SLC2A13: variants seen among roughly 807,000 people sequenced by gnomAD.
SLC2A13 encodes solute carrier family 2 member 13.
Under a neutral mutation model 64.4 loss-of-function variants are expected in SLC2A13, and 32 were observed. That is an observed-to-expected ratio of 0.50 (90% CI 0.37 to 0.67). SLC2A13 has a LOEUF of 0.67. Among genes scored for constraint, SLC2A13 ranks in the 30% least tolerant of loss-of-function variants. SLC2A13 has a pLI of 0.00. For synonymous variants in SLC2A13, 338 were observed against 327.1 expected, an observed-to-expected ratio of 1.03 and a Z score of -0.36; for missense variants, 743 against 829.2, an observed-to-expected ratio of 0.90 and a Z score of 1.28.
intron 1 of SLC2A13, among the ~76,000 whole-genome samples, chr12:40,060,074 T>C (rs1376150428): frequency 1.3e-5 from 2 of 152,060 alleles, no homozygotes; most frequent in Non-Finnish European, 2.9e-5. Context: ...TCTATATTAA[T>C]GGACGGATGG....
chr12:39,782,537 T>C (rs1189441536), intron 7 of SLC2A13, among the ~76,000 whole-genome samples: 1 of 152,162 alleles, frequency 6.6e-6, no homozygotes, highest in Non-Finnish European at 1.5e-5. Context: ...ATTAAACCTC[T>C]TTTTCTTCCC....
intron 1 of SLC2A13, among the ~76,000 whole-genome samples, chr12:40,077,733 T>C (rs947175370): frequency 2.0e-5 from 3 of 152,188 alleles, no homozygotes; most frequent in Admixed American, 2.0e-4. Context: ...ATCTGTAAAC[T>C]GAGTTGGACA....
At chr12:40,002,299 G>C (rs1947333002) in intron 3 of SLC2A13, among the ~76,000 whole-genome samples, 1 of 152,072 alleles carries the variant, frequency 6.6e-6, no homozygotes, top group Non-Finnish European at 1.5e-5. Flanking sequence ...CAATAGTGAA[G>C]TTAAGTAATG....
At chr12:40,060,611 C>CTTA in intron 1 of SLC2A13, among the ~76,000 whole-genome samples, 1 of 152,204 alleles carries the variant, frequency 6.6e-6, no homozygotes, top group East Asian at 1.9e-4. Context: ...CTTTATTAAA[C>CTTA]CACAGCTGAC....
chr12:39,758,138 T>C lies in SLC2A13; in HGVS notation c.*1888A>G, dbSNP rs541391894. On this transcript the variant is annotated 3_prime_UTR_variant, in exon 10 of 10. Coordinates refer to ENST00000280871, the MANE Select transcript of SLC2A13 (RefSeq NM_052885.4). ...TACTAATATTCCCTTGGAAATCAAT[T>C]GTTAAAGCACCTAATTCAAGGAAAA... 5.9e-5 allele frequency: 9 copies of C among 151,750 alleles called. No individual in the cohort carries two copies. Among genetic ancestry groups the C allele is most frequent in the African/African-American group, 2.2e-4 (9 of 41,500 alleles). 9.4% of individuals were successfully genotyped at this position (151,750 alleles called of 1,614,324 possible). A position where few individuals can be genotyped will look rare whatever the true frequency, so the allele number is the denominator to read the frequency against.
Position 39,764,612 on chromosome 12 carries a change from C to T in SLC2A13, c.1568G>A (p.Gly523Glu). 6.3e-7 allele frequency: 1 copy of T among 1,586,390 alleles called. No individual in the cohort carries two copies. Among genetic ancestry groups the T allele is most frequent in the Non-Finnish European group, 8.5e-7 (1 of 1,171,606 alleles). The change falls in exon 9 of 10, where the codon GGA becomes GAA. Residue 523 changes from glycine (G) to glutamate (E), a missense_variant and splice_region_variant. Around this residue, in one of 2 missense-constraint regions of SLC2A13, gnomAD observed 295 missense variants for 381.7 expected, o/e 0.77. Coordinates refer to ENST00000280871, the MANE Select transcript of SLC2A13 (RefSeq NM_052885.4). ...LILYLVFFAPGMGPMPWTVNS... is the reference protein window; with the variant it reads ...LILYLVFFAPEMGPMPWTVNS... ...CACAGTCCAAGGCATTGGTCCCATT[C>T]CTGAGAAATAAAACATTAAAAACTT...
intron 4 of SLC2A13, among the ~76,000 whole-genome samples, chr12:39,916,752 A>C (rs570571606): frequency 6.6e-6 from 1 of 152,220 alleles, no homozygotes; most frequent in Non-Finnish European, 1.5e-5. Flanking sequence ...CTTGTGTTTA[A>C]GTAATTAGTA....
chr12:40,056,756 C>T (rs1030315489), intron 1 of SLC2A13, among the ~76,000 whole-genome samples: 2 of 152,042 alleles, frequency 1.3e-5, no homozygotes, highest in Admixed American at 6.6e-5. Flanking sequence ...TATAGAAATG[C>T]TCATACAATA....
At chr12:39,937,236 T>A (rs891038987) in intron 4 of SLC2A13, among the ~76,000 whole-genome samples, 1 of 152,140 alleles carries the variant, frequency 6.6e-6, no homozygotes, top group African/African-American at 2.4e-5. Flanking sequence ...AAGCAACCTT[T>A]CAAGACAGGT....
chr12:40,028,293 C>T lies in SLC2A13; in HGVS notation c.925+8G>A, dbSNP rs1947852793. 6.2e-7 allele frequency: 1 copy of T among 1,610,462 alleles called. No homozygotes were observed. The highest frequency in any genetic ancestry group is 1.7e-5 in the Admixed American group (1 of 59,900). On this transcript the variant is annotated splice_region_variant and intron_variant, in intron 3 of 9. Coordinates refer to ENST00000280871, the MANE Select transcript of SLC2A13 (RefSeq NM_052885.4). Reference sequence around the variant, plus strand: ...TTTTAAATTCATATAAGTATAAAGTCTATATACCTGAGCCAACCTCTTTTT... The same window carrying T: ...TTTTAAATTCATATAAGTATAAAGTTTATATACCTGAGCCAACCTCTTTTT...
intron 1 of SLC2A13, among the ~76,000 whole-genome samples, chr12:40,088,312 C>T (rs1482281): frequency 0.45 from 67,817 of 152,016 alleles, 15,669 homozygotes; most frequent in East Asian, 0.74. Context: ...CTAATTAGAC[C>T]ACTTTATTTT....
chr12:39,778,716 CAT>C (rs1398799692), intron 7 of SLC2A13, among the ~76,000 whole-genome samples: 1 of 152,240 alleles, frequency 6.6e-6, no homozygotes, highest in Non-Finnish European at 1.5e-5. Context: ...TTATTTGACA[CAT>C]GAGTATACAT....
intron 9 of SLC2A13, 147 bp downstream of exon 9, chr12:39,764,313 T>C: frequency 7.6e-6 from 5 of 659,200 alleles, no homozygotes; most frequent in Non-Finnish European, 1.2e-5. Context: ...ACATTTCCGA[T>C]GCCTTTGGAG....
intron 3 of SLC2A13, among the ~76,000 whole-genome samples, chr12:40,000,301 A>T (rs988925251): frequency 6.8e-6 from 1 of 146,594 alleles, no homozygotes; most frequent in Admixed American, 6.8e-5. Context: ...TACATTAAAA[A>T]ACAACAACAA....
intron 7 of SLC2A13, among the ~76,000 whole-genome samples, chr12:39,818,226 A>G (rs1219742327): frequency 6.6e-6 from 1 of 152,162 alleles, no homozygotes; most frequent in Non-Finnish European, 1.5e-5. Context: ...CCAGTCATGT[A>G]CATCTAAAAC....
At chr12:39,799,702 G>A (rs1335787715) in intron 7 of SLC2A13, among the ~76,000 whole-genome samples, 3 of 152,210 alleles carry the variant, frequency 2.0e-5, no homozygotes, top group South Asian at 4.1e-4. Context: ...ATGCAGGTCA[G>A]TGAAATGGAA....
At chr12:39,914,239 C>G (rs569989934) in intron 4 of SLC2A13, among the ~76,000 whole-genome samples, 3 of 151,780 alleles carry the variant, frequency 2.0e-5, no homozygotes, top group Non-Finnish European at 4.4e-5. Flanking sequence ...TTTTTCACGT[C>G]TAATGAAAGA....
chr12:39,869,938 T>G (rs1944000122), intron 5 of SLC2A13, among the ~76,000 whole-genome samples: 1 of 152,220 alleles, frequency 6.6e-6, no homozygotes, highest in African/African-American at 2.4e-5. Context: ...TCATTACATC[T>G]CTGTGAAGTA....
intron 6 of SLC2A13, among the ~76,000 whole-genome samples, chr12:39,840,219 T>C (rs1592192705): frequency 6.6e-6 from 1 of 151,582 alleles, no homozygotes. Context: ...ATTAGTAGAG[T>C]TGGGGTTTCA....
Sources: gnomAD v4.1 joint callset for allele counts (sites outside exome capture counted in the v4.1 genomes callset) on GRCh38, gnomAD v4.1.1 for gene constraint, gnomAD v4.1.1 regional missense constraint, MANE v1.5 for transcripts, NCBI Gene and HGNC (gene_info 2026-07-23, HGNC 2026-07-21) for gene names.